ZNF385C: variants seen among roughly 807,000 people sequenced by gnomAD.
ZNF385C encodes zinc finger protein 385C, also known as CTD-2132N18.2.
Under a neutral mutation model 35.4 loss-of-function variants are expected in ZNF385C, and 28 were observed. That is an observed-to-expected ratio of 0.79 (90% CI 0.59 to 1.08). ZNF385C has a LOEUF of 1.08. ZNF385C is among the 50% of genes least tolerant of loss of function. The pLI is 0.00. For synonymous variants in ZNF385C, 248 were observed against 248.2 expected, an observed-to-expected ratio of 1.00 and a Z score of 0.01; for missense variants, 605 against 595.6, an observed-to-expected ratio of 1.02 and a Z score of -0.16.
chr17:42,063,836 C>G (rs1221984681), intron 1 of ZNF385C, among the ~76,000 whole-genome samples: 2 of 152,184 alleles, frequency 1.3e-5, no homozygotes, highest in African/African-American at 4.8e-5. Flanking sequence ...CAGCCGCCAG[C>G]CAAAAACACA....
chr17:42,048,527 A>G (rs2053217315), intron 2 of ZNF385C, among the ~76,000 whole-genome samples: 1 of 152,140 alleles, frequency 6.6e-6, no homozygotes, highest in Non-Finnish European at 1.5e-5. Context: ...ACCCTGGGTG[A>G]CACAGCGAGA....
chr17:42,086,287 G>T (rs2053806981), intron 1 of ZNF385C, among the ~76,000 whole-genome samples: 1 of 152,064 alleles, frequency 6.6e-6, no homozygotes, highest in African/African-American at 2.4e-5. Context: ...AGCTACTCGG[G>T]AGGCCGAGGC....
In ZNF385C at chr17:42,047,023, C is replaced by T. The variant is rs530082547; in HGVS notation, c.251-9138G>A. Among the ~76,000 whole-genome samples, 985 of 122,738 alleles carry T rather than the reference C, an allele frequency of 8.0e-3. 13 individuals are homozygous for T. Among genetic ancestry groups the T allele is most frequent in the African/African-American group, 0.027 (888 of 33,178 alleles). 80.5% of individuals were successfully genotyped at this position (122,738 alleles called of 152,430 possible). Reference sequence around the variant, plus strand: ...GATTACAGGCACATGCCGCCATGCCCGGCTAATTTTTTTTTTTTTTTTTTT... The same window carrying T: ...GATTACAGGCACATGCCGCCATGCCTGGCTAATTTTTTTTTTTTTTTTTTT... On this transcript the variant is annotated intron_variant, in intron 2 of 8. Coordinates refer to ENST00000692273, the MANE Select transcript of ZNF385C (RefSeq NM_001392013.1).
Position 42,056,762 on chromosome 17 carries a change from G to A in ZNF385C, c.250+6045C>T, listed in dbSNP as rs138195062. ...TCACGAGATCTGATGGGTTTATGAG[G>A]GGAAACCCCTTTCACTTGGCTGTCA... On this transcript the variant is annotated intron_variant, in intron 2 of 8. Coordinates refer to ENST00000692273, the MANE Select transcript of ZNF385C (RefSeq NM_001392013.1). Among the ~76,000 whole-genome samples, 63 of 152,178 alleles carry A rather than the reference G, an allele frequency of 4.1e-4. No individual in the cohort carries two copies. In the East Asian group the frequency reaches 0.012, roughly 28 times the overall value.
At chr17:42,030,274 G>C (rs1555654874) in intron 5 of ZNF385C, among the ~76,000 whole-genome samples, 2 of 152,160 alleles carry the variant, frequency 1.3e-5, no homozygotes, top group African/African-American at 4.8e-5. Flanking sequence ...TGGATCACAA[G>C]GTCAGGAGTT....
chr17:42,059,986 G>T (rs1261451670), intron 2 of ZNF385C, among the ~76,000 whole-genome samples: 2 of 152,152 alleles, frequency 1.3e-5, no homozygotes, highest in African/African-American at 4.8e-5. Flanking sequence ...GGTGGGATTG[G>T]GAAGGGAGGA....
chr17:42,048,484 A>G (rs926617338), intron 2 of ZNF385C, among the ~76,000 whole-genome samples: 3 of 152,044 alleles, frequency 2.0e-5, no homozygotes. Flanking sequence ...TTGAGACTGC[A>G]GTGAACTGTG....
chr17:42,085,447 T>C (rs1340747196), intron 1 of ZNF385C, among the ~76,000 whole-genome samples: 1 of 151,376 alleles, frequency 6.6e-6, no homozygotes, highest in Non-Finnish European at 1.5e-5. Context: ...TTTTTTCTTT[T>C]TTTTTTTTTT....
In ZNF385C at chr17:42,028,077, C is replaced by T; in HGVS notation, c.1137G>A (p.Gln379=). The T allele has an allele frequency of 6.2e-7, 1 of 1,614,040 alleles. No homozygotes were observed. Among genetic ancestry groups the T allele is most frequent in the East Asian group, 2.2e-5 (1 of 44,862 alleles). ...PAFHCALCQL[Q]VNSETQLKQH... is the part of the protein sequence containing the mutation. ...GCTTCAGTTGGGTCTCTGAATTGAC[C>T]TGGAGCTGACAGAGAGCACAGTGGA... Residue 379 remains glutamine, a synonymous_variant, in exon 7 of 9, where the codon CAG becomes CAA. Transcript: ENST00000692273.
chr17:42,028,566 C>A, intron 6 of ZNF385C: 1 of 643,086 alleles, frequency 1.6e-6, no homozygotes, highest in Non-Finnish European at 2.6e-6. Flanking sequence ...GATTTAGCGA[C>A]CTTCAGTTCT....
chr17:42,083,211 T>G (rs2053767428), intron 1 of ZNF385C, among the ~76,000 whole-genome samples: 1 of 151,866 alleles, frequency 6.6e-6, no homozygotes, highest in African/African-American at 2.4e-5. Flanking sequence ...TTTTTTTGTT[T>G]TTTTTTTTTG....
chr17:42,041,223 C>T lies in ZNF385C; in HGVS notation c.251-3338G>A, dbSNP rs975030398. 29 of 1,232,198 alleles carry T rather than the reference C, an allele frequency of 2.4e-5. No homozygotes were observed. The African/African-American group carries it at 3.3e-4, about 14-fold the overall frequency. 76.3% of individuals were successfully genotyped at this position (1,232,198 alleles called of 1,614,324 possible). On this transcript the variant is annotated intron_variant, in intron 2 of 8. Transcript: ENST00000692273. ...GCCAGGGAAAGAAAGGGAGGGAGGA[C>T]TGAGTTAGGCTTGTCCTGAGAGGCG...
chr17:42,084,790 T>A (rs1273024769), intron 1 of ZNF385C, among the ~76,000 whole-genome samples: 7 of 149,736 alleles, frequency 4.7e-5, no homozygotes, highest in East Asian at 1.9e-4. Context: ...TAAAAAAAAA[T>A]TTTTTTTTTA....
rs1555656979 is a variant in ZNF385C at position 42,050,192 on chromosome 17, A to ATGTTTG, written c.251-12308_251-12307insCAAACA. 1.3e-5 allele frequency among the ~76,000 whole-genome samples: 2 copies of ATGTTTG among 152,200 alleles called. No homozygotes were observed. The highest frequency in any genetic ancestry group is 4.8e-5 in the African/African-American group (2 of 41,458). Reference sequence around the variant, plus strand: ...GCAGGAACAACTTGACAAGGACCCCAAGGCATGTAAGCCTCAAACAGTATT... The same window carrying ATGTTTG: ...GCAGGAACAACTTGACAAGGACCCCATGTTTGAGGCATGTAAGCCTCAAACAGTATT... On this transcript the variant is annotated intron_variant, in intron 2 of 8. Coordinates refer to ENST00000692273, the MANE Select transcript of ZNF385C (RefSeq NM_001392013.1). This position sits in a 1 kb window ranked among gnomAD's most constrained non-coding sequence, Gnocchi z 5.6.
intron 2 of ZNF385C, among the ~76,000 whole-genome samples, chr17:42,053,367 G>T (rs1254804726): frequency 6.6e-6 from 1 of 152,066 alleles, no homozygotes; most frequent in Non-Finnish European, 1.5e-5. Flanking sequence ...GGACCCCAGT[G>T]CAGTGGCTGG....
intron 1 of ZNF385C, among the ~76,000 whole-genome samples, chr17:42,085,650 T>A (rs1377403375): frequency 1.1e-4 from 15 of 141,570 alleles, no homozygotes; most frequent in African/African-American, 4.0e-4. Context: ...CAGGCTGGAG[T>A]GCAGTGGCGC....
intron 3 of ZNF385C, among the ~76,000 whole-genome samples, chr17:42,034,993 C>A (rs1425902786): frequency 6.6e-6 from 1 of 150,948 alleles, no homozygotes; most frequent in Non-Finnish European, 1.5e-5. Context: ...TGTGGTGGCA[C>A]GTGCCTGTAG....
chr17:42,061,188 T>C (rs1337441616), intron 2 of ZNF385C: 1 of 151,274 alleles, frequency 6.6e-6, no homozygotes, highest in African/African-American at 2.4e-5. Flanking sequence ...CAATAAATAT[T>C]TGGTGAATTA....
chr17:42,043,479 G>C (rs1194072703), intron 2 of ZNF385C: 1 of 1,088,744 alleles, frequency 9.2e-7, no homozygotes, highest in South Asian at 4.8e-5. Context: ...AGTTGATGGG[G>C]AGGCAGGCTG....
Sources: allele counts gnomAD v4.1 joint callset (sites outside exome capture counted in the v4.1 genomes callset), GRCh38; gene constraint gnomAD v4.1.1; non-coding constraint Gnocchi (gnomAD v3.1); transcripts MANE v1.5; gene names NCBI Gene and HGNC (gene_info 2026-07-23, HGNC 2026-07-21).